Variants in MAML2 observed in about 807,000 individuals in gnomAD.
The protein encoded by MAML2 is mastermind like transcriptional coactivator 2.
MAML2 carries 22 observed loss-of-function variants against 96.1 expected under a neutral mutation model. That is an observed-to-expected ratio of 0.23 (90% confidence interval 0.16 to 0.33). The LOEUF is 0.33. Ranked by LOEUF, MAML2 falls within the 10% of genes least tolerant of loss-of-function variation. The pLI is 1.00. For missense variants in MAML2, 1,367 were observed against 1,392.4 expected, an observed-to-expected ratio of 0.98 and a Z score of 0.29; for synonymous variants, 561 against 521.3, an observed-to-expected ratio of 1.08 and a Z score of -1.04.
At chr11:96,249,138 T>C (rs1441981059) in intron 1 of MAML2, among the ~76,000 whole-genome samples, 2 of 152,232 alleles carry the variant, frequency 1.3e-5, no homozygotes, top group Non-Finnish European at 2.9e-5. Flanking sequence ...ACAAACTCTT[T>C]ATCTGACAAA....
chr11:96,329,129 C>T lies in MAML2; in HGVS notation c.513+12254G>A, dbSNP rs79291382. The stretch of plus-strand genomic sequence containing the variant: ...ATGTAATTATTTCACAAGGGGTAAT[C>T]GCTTGGGAATCTTTACCCTACAGAA... On this transcript the variant is annotated intron_variant, in intron 1 of 4. Coordinates refer to ENST00000524717, the MANE Select transcript of MAML2 (RefSeq NM_032427.4). Among the ~76,000 whole-genome samples, 1,366 of 151,784 alleles carry T rather than the reference C, an allele frequency of 9.0e-3. 11 individuals carry two copies. The highest frequency in any genetic ancestry group is 0.013 in the Admixed American group (201 of 15,250).
At chr11:96,145,158 A>G (rs550367539) in intron 1 of MAML2, among the ~76,000 whole-genome samples, 9 of 152,240 alleles carry the variant, frequency 5.9e-5, no homozygotes, top group Non-Finnish European at 1.2e-4. Flanking sequence ...AGTGAAACTG[A>G]AGCTCAGAGA....
At chr11:96,039,252 C>A (rs1169283664) in intron 2 of MAML2, among the ~76,000 whole-genome samples, 1 of 146,364 alleles carries the variant, frequency 6.8e-6, no homozygotes, top group African/African-American at 2.5e-5. Flanking sequence ...AAGACCAACT[C>A]AGAAAAAGAG....
At position 96,159,404 on chromosome 11, in the gene MAML2, A is replaced by ATTTTTTTTTTTTTTTTTTT. The variant is rs1157893034; in HGVS notation, c.514-65888_514-65887insAAAAAAAAAAAAAAAAAAA. Among the ~76,000 whole-genome samples, 257 of 61,896 alleles carry ATTTTTTTTTTTTTTTTTTT rather than the reference A, an allele frequency of 4.2e-3. 63 individuals carry two copies. Among genetic ancestry groups the ATTTTTTTTTTTTTTTTTTT allele is most frequent in the South Asian group, 0.011 (18 of 1,672 alleles). 40.6% of individuals were successfully genotyped at this position (61,896 alleles called of 152,430 possible). A position where few individuals can be genotyped will look rare whatever the true frequency, so the allele number is the denominator to read the frequency against. Reference sequence around the variant, plus strand: ...TACTAACCGTGCCTCTAAACCACTGATTCTTTTTTTTTTTTTTTTTTTTTT... The same window carrying ATTTTTTTTTTTTTTTTTTT: ...TACTAACCGTGCCTCTAAACCACTGATTTTTTTTTTTTTTTTTTTTTCTTTTTTTTTTTTTTTTTTTTTT... On this transcript the variant is annotated intron_variant, in intron 1 of 4. Coordinates refer to ENST00000524717, the MANE Select transcript of MAML2 (RefSeq NM_032427.4).
intron 2 of MAML2, among the ~76,000 whole-genome samples, chr11:96,069,580 G>A (rs1386173222): frequency 2.0e-5 from 3 of 152,180 alleles, no homozygotes; most frequent in Admixed American, 1.3e-4. Flanking sequence ...GAGAGGCTGA[G>A]GTGGGAGGAT....
intron 1 of MAML2, among the ~76,000 whole-genome samples, chr11:96,284,249 G>A (rs1863109853): frequency 1.3e-5 from 2 of 152,174 alleles, no homozygotes; most frequent in East Asian, 3.9e-4. Flanking sequence ...AGACATATGT[G>A]TAATTTCAAA....
At chr11:96,287,229 G>A (rs1396049617) in intron 1 of MAML2, among the ~76,000 whole-genome samples, 2 of 152,220 alleles carry the variant, frequency 1.3e-5, no homozygotes, top group Admixed American at 1.3e-4. Flanking sequence ...TCTCTTAAAT[G>A]TATTTGATTA....
chr11:96,274,017 C>G (rs967570671), intron 1 of MAML2, among the ~76,000 whole-genome samples: 1 of 150,584 alleles, frequency 6.6e-6, no homozygotes, highest in Non-Finnish European at 1.5e-5. Flanking sequence ...GTTGCAGTCT[C>G]TCTTGGTATT....
rs376426790 is a variant in MAML2 at position 96,240,541 on chromosome 11, G to C, written c.513+100842C>G. 5.3e-4 allele frequency among the ~76,000 whole-genome samples: 35 copies of C among 66,056 alleles called. No individual in the cohort carries two copies. In the East Asian group the frequency reaches 0.014, roughly 26 times the overall value. 43.3% of individuals were successfully genotyped at this position (66,056 alleles called of 152,430 possible). A position where few individuals can be genotyped will look rare whatever the true frequency, so the allele number is the denominator to read the frequency against. On this transcript the variant is annotated intron_variant, in intron 1 of 4. Coordinates refer to ENST00000524717, the MANE Select transcript of MAML2 (RefSeq NM_032427.4). ...AGTCCGCAGTCCGGCCTGGGCGACA[G>C]AGCGAGACTCCGTCTCAAAAAAAAA...
intron 2 of MAML2, among the ~76,000 whole-genome samples, chr11:96,029,118 G>A (rs1858570600): frequency 6.8e-6 from 1 of 147,878 alleles, no homozygotes; most frequent in South Asian, 2.1e-4. Flanking sequence ...GTGCCTGTCT[G>A]TTTCTGAAAT....
chr11:96,199,523 ATTT>A (rs71459792), intron 1 of MAML2, among the ~76,000 whole-genome samples: 4 of 143,786 alleles, frequency 2.8e-5, no homozygotes, highest in African/African-American at 2.5e-5. Context: ...GTTTCAGATA[ATTT>A]TTTTTTTTTT....
intron 3 of MAML2, 39 bp downstream of exon 3, chr11:95,991,481 C>CA: frequency 6.3e-7 from 1 of 1,588,220 alleles, no homozygotes; most frequent in Non-Finnish European, 8.6e-7. Flanking sequence ...TCTGTTGGGT[C>CA]AACAGGTTTG....
At chr11:96,283,768 T>C (rs1863101996) in intron 1 of MAML2, among the ~76,000 whole-genome samples, 1 of 152,208 alleles carries the variant, frequency 6.6e-6, no homozygotes, top group East Asian at 1.9e-4. Context: ...TCTTTTACAT[T>C]TTCGACCTCT....
chr11:95,998,462 T>C (rs1430302918), intron 2 of MAML2, among the ~76,000 whole-genome samples: 2 of 152,164 alleles, frequency 1.3e-5, no homozygotes, highest in Admixed American at 1.3e-4. Flanking sequence ...GAATAACCTA[T>C]GTCCTGGGCA....
chr11:96,161,991 T>C (rs1861112495), intron 1 of MAML2, among the ~76,000 whole-genome samples: 1 of 152,148 alleles, frequency 6.6e-6, no homozygotes, highest in Non-Finnish European at 1.5e-5. Flanking sequence ...TACTATACCA[T>C]GCAGCCATCA....
chr11:96,311,680 T>G (rs1863544292), intron 1 of MAML2, among the ~76,000 whole-genome samples: 1 of 152,234 alleles, frequency 6.6e-6, no homozygotes, highest in African/African-American at 2.4e-5. Context: ...CACAGCTTAC[T>G]TACAAGCTTT....
At chr11:96,335,262 G>T (rs111838421) in intron 1 of MAML2, among the ~76,000 whole-genome samples, 1 of 152,090 alleles carries the variant, frequency 6.6e-6, no homozygotes, top group Non-Finnish European at 1.5e-5. Context: ...CTTTTCTCAC[G>T]AATTTTTGTT....
intron 1 of MAML2, among the ~76,000 whole-genome samples, chr11:96,222,734 C>T (rs1416521693): frequency 6.6e-6 from 1 of 152,146 alleles, no homozygotes; most frequent in African/African-American, 2.4e-5. Context: ...TAAACAATTC[C>T]TATGGCCCTT....
chr11:96,294,010 C>T (rs1725844507), intron 1 of MAML2, among the ~76,000 whole-genome samples: 1 of 152,110 alleles, frequency 6.6e-6, no homozygotes, highest in South Asian at 2.1e-4. Flanking sequence ...GCTGAATGCC[C>T]AAAGTACAGA....
Sources: allele counts gnomAD v4.1 joint callset (sites outside exome capture counted in the v4.1 genomes callset), GRCh38; gene constraint gnomAD v4.1.1; transcripts MANE v1.5; gene names NCBI Gene and HGNC (gene_info 2026-07-23, HGNC 2026-07-21).